The following UBR2 variants were observed in gnomAD, a reference collection of about 807,000 sequenced individuals.
UBR2 encodes the protein ubiquitin protein ligase E3 component n-recognin 2.
In UBR2, 92 loss-of-function variants were observed where a neutral mutation model predicts 247.9. The ratio of observed to expected loss-of-function variants is 0.37; its 90% CI spans 0.31 to 0.44. The LOEUF (loss-of-function observed/expected upper bound fraction) is 0.44. Among genes scored for constraint, UBR2 ranks in the 20% least tolerant of loss-of-function variants. The pLI is 1.00. For missense variants in UBR2, 1,613 were observed against 2,112.6 expected (o/e 0.76, Z 4.64); for synonymous variants, 672 against 693.5 (o/e 0.97, Z 0.49).
chr6:42,598,119 G>A (rs1793113972), intron 4 of UBR2, among the ~76,000 whole-genome samples: 2 of 151,984 alleles, frequency 1.3e-5, no homozygotes, highest in African/African-American at 2.4e-5. Context: ...GCATTTGGGG[G>A]TGAGATATTT....
At chr6:42,681,280 G>A (rs1010292638) in intron 42 of UBR2, among the ~76,000 whole-genome samples, 2 of 152,040 alleles carry the variant, frequency 1.3e-5, no homozygotes, top group African/African-American at 4.8e-5. Flanking sequence ...TGAAGTGGGA[G>A]GATCACTTGA....
Position 42,658,824 on chromosome 6 carries a change from GGTA to G in UBR2, c.3242+1_3242+3del. Reference sequence around the variant, plus strand: ...TCAACCTCTGCTGTTCTTGATCATAGGTAAAAAAAAAAAAAAAAAAAATTAATG... The same window carrying G: ...TCAACCTCTGCTGTTCTTGATCATAGAAAAAAAAAAAAAAAAAAATTAATG... On this transcript the variant is annotated splice_donor_variant and splice_donor_region_variant and intron_variant, in intron 29 of 46. Transcript: ENST00000372901. LOFTEE classifies it high-confidence loss of function. 7.3e-7 allele frequency: 1 copy of G among 1,370,942 alleles called. No homozygotes were observed. 84.9% of individuals were successfully genotyped at this position (1,370,942 alleles called of 1,614,324 possible). A position where few individuals can be genotyped will look rare whatever the true frequency, so the allele number is the denominator to read the frequency against.
chr6:42,640,125 TA>T, intron 15 of UBR2, 83 bp from the exon 16 acceptor site: 1 of 1,088,310 alleles, frequency 9.2e-7, no homozygotes, highest in Non-Finnish European at 1.4e-6. Flanking sequence ...AAGTTAGATA[TA>T]AAGTTGAGTG....
At chr6:42,588,894 T>G (rs990086870) in intron 2 of UBR2, among the ~76,000 whole-genome samples, 2 of 152,138 alleles carry the variant, frequency 1.3e-5, no homozygotes, top group African/African-American at 4.8e-5. Context: ...TAGCTGTAGG[T>G]TTTTTTGTAG....
chr6:42,678,734 G>C, intron 41 of UBR2, 65 bp downstream of exon 41: 1 of 1,527,182 alleles, frequency 6.5e-7, no homozygotes, highest in Non-Finnish European at 8.8e-7. Flanking sequence ...CAAATATAAA[G>C]ATCACTTGCA....
chr6:42,603,564 T>C, intron 4 of UBR2, 24 bp from the exon 5 acceptor site: 2 of 1,529,792 alleles, frequency 1.3e-6, no homozygotes, highest in Non-Finnish European at 1.7e-6. Flanking sequence ...TTTCTTTTTC[T>C]TTTTTTTCTG....
intron 26 of UBR2, 59 bp from the exon 27 acceptor site, chr6:42,657,965 G>A: frequency 7.7e-7 from 1 of 1,295,258 alleles, no homozygotes; most frequent in Non-Finnish European, 1.1e-6. Context: ...CCTGTGCGTA[G>A]GAATAAGTAC....
At position 42,670,089 on chromosome 6, in the gene UBR2, C is replaced by T; in HGVS notation, c.3882-3C>T. ...GAGCTAATTTTATACATGTTTACTT[C>T]AGGATCCCTTATTCTGAGAGCATAA... On this transcript the variant is annotated splice_polypyrimidine_tract_variant and splice_region_variant and intron_variant, in intron 34 of 46. Transcript: ENST00000372901. The T allele has an allele frequency of 1.9e-6, 3 of 1,613,610 alleles. No homozygotes were observed. Among genetic ancestry groups the T allele is most frequent in the Non-Finnish European group, 2.5e-6 (3 of 1,179,630 alleles).
rs761694296 is a variant in UBR2, at chr6:42,635,456, T to G, written c.1584T>G (p.Ile528Met). 6.2e-7 allele frequency: 1 copy of G among 1,613,934 alleles called. No homozygotes were observed. The highest frequency in any genetic ancestry group is 1.7e-5 in the Admixed American group (1 of 60,022). ...DPITRQVGQH[I>M]EMEPEWEAAF... is the part of the protein sequence containing the mutation. The stretch of plus-strand genomic sequence containing the variant: ...TTACACGTCAAGTAGGACAACATAT[T>G]GAAATGGAACCAGAGTGGGAAGCAG... Residue 528 changes from isoleucine to methionine, a missense_variant, in exon 14 of 47, where the codon ATT becomes ATG. Ile to Met is a conservative substitution (Grantham distance 10). This residue lies in a region of UBR2 where 1,524 missense variants were observed against 1,967.3 expected (regional missense o/e 0.77). Coordinates refer to ENST00000372901, the MANE Select transcript of UBR2 (RefSeq NM_001363705.2).
At chr6:42,640,434 G>GTGTA in intron 16 of UBR2, among the ~76,000 whole-genome samples, 164 bp downstream of exon 16, 1 of 115,348 alleles carries the variant, frequency 8.7e-6, no homozygotes, top group Non-Finnish European at 1.9e-5. Context: ...GTGTGTGTGT[G>GTGTA]TATAGATACA....
chr6:42,675,146 A>G (rs886597169), intron 38 of UBR2, among the ~76,000 whole-genome samples: 2 of 152,160 alleles, frequency 1.3e-5, no homozygotes, highest in African/African-American at 4.8e-5. Flanking sequence ...ACTTAGAGCA[A>G]TATATTCCTA....
intron 34 of UBR2, 60 bp from the exon 35 acceptor site, chr6:42,670,032 G>A (rs771603374): frequency 1.3e-5 from 21 of 1,578,442 alleles, no homozygotes; most frequent in Admixed American, 8.6e-5. Context: ...TTAAGAAACC[G>A]AACCATTTGA....
chr6:42,682,986 A>C, intron 42 of UBR2, 69 bp from the exon 43 acceptor site: 1 of 1,371,232 alleles, frequency 7.3e-7, no homozygotes, highest in African/African-American at 1.5e-5. Context: ...TTGGCTATGG[A>C]GGGGAAAAAA....
At chr6:42,668,475 T>C (rs1798247928) in intron 34 of UBR2, among the ~76,000 whole-genome samples, 1 of 152,194 alleles carries the variant, frequency 6.6e-6, no homozygotes, top group Non-Finnish European at 1.5e-5. Flanking sequence ...GTTCTCACTC[T>C]GTCATCCAGG....
chr6:42,606,608 A>T lies in UBR2; in HGVS notation c.821A>T (p.Tyr274Phe), dbSNP rs758317060. 6.2e-7 allele frequency: 1 copy of T among 1,609,594 alleles called. No individual in the cohort carries two copies. The highest frequency in any genetic ancestry group is 1.3e-5 in the African/African-American group (1 of 74,798). Residue 274 changes from tyrosine (Y) to phenylalanine (F), a missense_variant, in exon 7 of 47, where the codon TAT (tyrosine) becomes TTT (phenylalanine). By Grantham distance (22) the Tyr-to-Phe change is conservative (BLOSUM62 3). Around this residue, in one of 3 missense-constraint regions of UBR2, gnomAD observed 1,524 missense variants for 1,967.3 expected, o/e 0.77. Coordinates refer to ENST00000372901, the MANE Select transcript of UBR2 (RefSeq NM_001363705.2). ...TTACAGGGGCGTAGGTCTGTTCGAT[A>T]TGGAGATTTTCAGTATTGTGAGCAA... ...VDRDGRRSVRYGDFQYCEQAK... is the reference protein window; with the variant it reads ...VDRDGRRSVRFGDFQYCEQAK...
intron 44 of UBR2, among the ~76,000 whole-genome samples, chr6:42,686,751 C>T (rs1228473813): frequency 1.3e-5 from 2 of 151,760 alleles, no homozygotes; most frequent in African/African-American, 2.4e-5. Flanking sequence ...GTAGGGGCTG[C>T]CCCCCACCTC....
At chr6:42,635,655 G>A (rs1480165865) in intron 14 of UBR2, 109 bp downstream of exon 14, 12 of 1,322,224 alleles carry the variant, frequency 9.1e-6, no homozygotes, top group Non-Finnish European at 1.2e-5. Flanking sequence ...GTGATACTTA[G>A]TTCATTAAAC....
chr6:42,607,395 T>C (rs1484996146), intron 7 of UBR2, among the ~76,000 whole-genome samples: 1 of 152,124 alleles, frequency 6.6e-6, no homozygotes, highest in Non-Finnish European at 1.5e-5. Flanking sequence ...CTCAAACTCC[T>C]GGGCTCAAGT....
At chr6:42,664,993 T>C (rs1798026964) in intron 32 of UBR2, among the ~76,000 whole-genome samples, 1 of 152,176 alleles carries the variant, frequency 6.6e-6, no homozygotes, top group Non-Finnish European at 1.5e-5. Flanking sequence ...AATATAGGAA[T>C]ACAACCTATG....
Sources: gnomAD v4.1 joint callset for allele counts (sites outside exome capture counted in the v4.1 genomes callset) on GRCh38, gnomAD v4.1.1 for gene constraint, gnomAD v4.1.1 regional missense constraint, MANE v1.5 for transcripts, NCBI Gene and HGNC (gene_info 2026-07-23, HGNC 2026-07-21) for gene names.